Variants in RHOQ observed in about 807,000 individuals in gnomAD.
RHOQ encodes ras homolog family member Q.
In RHOQ, 7 loss-of-function variants were observed where a neutral mutation model predicts 25.8. The ratio of observed to expected loss-of-function variants is 0.27; its 90% CI spans 0.15 to 0.51. The LOEUF is 0.51. Ranked by LOEUF, RHOQ falls within the 20% of genes least tolerant of loss-of-function variation. The probability of loss-of-function intolerance (pLI) is 0.97; values close to 1 mark genes in which losing one functional copy is unlikely to be tolerated. For synonymous variants in RHOQ, 97 were observed against 98.6 expected (o/e 0.98, Z 0.10); for missense variants, 165 against 260.6 (o/e 0.63, Z 2.53).
intron 4 of RHOQ, among the ~76,000 whole-genome samples, chr2:46,579,323 T>C (rs1669257662): frequency 6.6e-6 from 1 of 152,164 alleles, no homozygotes; most frequent in Non-Finnish European, 1.5e-5. Context: ...TCTTCTTCTA[T>C]AGCTACACTC....
At chr2:46,554,055 T>G (rs1157478999) in intron 2 of RHOQ, among the ~76,000 whole-genome samples, 1 of 152,134 alleles carries the variant, frequency 6.6e-6, no homozygotes, top group African/African-American at 2.4e-5. Context: ...TGCTGGCTTA[T>G]TTTACTTAAT....
rs373797949 is a variant in RHOQ, at chr2:46,576,078, G to T, written c.202-9G>T. 1.6e-5 allele frequency: 26 copies of T among 1,582,072 alleles called. No homozygotes were observed. In the African/African-American group the frequency reaches 2.8e-4, roughly 17 times the overall value. ...TAAATACATAATGAGGCTTTTCTTTGTTCCTCAGGAAGACTATGACCGTCT... is the reference window on the plus strand; with the variant it reads ...TAAATACATAATGAGGCTTTTCTTTTTTCCTCAGGAAGACTATGACCGTCT... On this transcript the variant is annotated splice_polypyrimidine_tract_variant and intron_variant, in intron 2 of 4. Coordinates refer to ENST00000238738, the MANE Select transcript of RHOQ (RefSeq NM_012249.4). This position sits in a 1 kb window ranked among gnomAD's most constrained non-coding sequence, Gnocchi z 5.1.
chr2:46,561,001 AACAC>A (rs61040858), intron 2 of RHOQ, among the ~76,000 whole-genome samples: 3,501 of 141,254 alleles, frequency 0.025, 69 homozygotes, highest in African/African-American at 0.042. Flanking sequence ...AGACCCCATA[AACAC>A]ACACACACAC....
chr2:46,543,953 G>C (rs1667949100), intron 2 of RHOQ, 141 bp downstream of exon 2: 1 of 659,542 alleles, frequency 1.5e-6, no homozygotes, highest in Admixed American at 2.8e-5. Context: ...TTTATTTCTT[G>C]TAACAAGTCA....
At chr2:46,577,396 C>CTTTTT (rs745605616) in intron 4 of RHOQ, among the ~76,000 whole-genome samples, 8 of 110,154 alleles carry the variant, frequency 7.3e-5, no homozygotes, top group African/African-American at 1.2e-4. Flanking sequence ...CATATATGGT[C>CTTTTT]TTTTTTTTTT....
intron 2 of RHOQ, among the ~76,000 whole-genome samples, chr2:46,572,526 A>C (rs181798190): frequency 6.6e-6 from 1 of 152,162 alleles, no homozygotes; most frequent in Non-Finnish European, 1.5e-5. Context: ...TACTTAGCCA[A>C]TTGGTAAGAA....
chr2:46,545,924 T>C (rs531226995), intron 2 of RHOQ, among the ~76,000 whole-genome samples: 4 of 152,252 alleles, frequency 2.6e-5, no homozygotes, highest in South Asian at 2.1e-4. Flanking sequence ...TCATAAGATA[T>C]AGACCAAGCA....
intron 2 of RHOQ, among the ~76,000 whole-genome samples, chr2:46,549,882 C>T (rs1668188144): frequency 2.0e-5 from 3 of 152,110 alleles, no homozygotes; most frequent in Admixed American, 6.5e-5. Context: ...TGTTGCAGTG[C>T]TCAGCCCAGT....
chr2:46,579,020 A>T (rs1298762453), intron 4 of RHOQ, among the ~76,000 whole-genome samples: 3 of 152,250 alleles, frequency 2.0e-5, no homozygotes, highest in Non-Finnish European at 2.9e-5. Flanking sequence ...ACTTAGAGCT[A>T]CAAAGATGCT....
intron 2 of RHOQ, among the ~76,000 whole-genome samples, chr2:46,544,683 A>G (rs959044636): frequency 6.6e-6 from 1 of 152,254 alleles, no homozygotes; most frequent in South Asian, 2.1e-4. Flanking sequence ...TGAATTTTGT[A>G]GAATCCAGCA....
At position 46,543,161 on chromosome 2, in the gene RHOQ, G is replaced by T. The variant is rs1667887533; in HGVS notation, c.115G>T (p.Val39Leu). 6.2e-7 allele frequency: 1 copy of T among 1,611,938 alleles called. No homozygotes were observed. The change falls in exon 1 of 5, where the codon GTG becomes TTG. Residue 39 changes from valine to leucine, a missense_variant. Coordinates refer to ENST00000238738, the MANE Select transcript of RHOQ (RefSeq NM_012249.4). Reference protein sequence around the residue: ...YANDAFPEEYVPTVFDHYAVS... With the variant: ...YANDAFPEEYLPTVFDHYAVS... ...CAACGACGCCTTCCCGGAGGAGTAC[G>T]TGCCCACCGTCTTCGACCACTACGC...
At position 46,571,426 on chromosome 2, in the gene RHOQ, T is replaced by G. The variant is rs1249479680; in HGVS notation, c.202-4661T>G. Among the ~76,000 whole-genome samples, 4 of 152,234 alleles carry G rather than the reference T, an allele frequency of 2.6e-5. No individual in the cohort carries two copies. The East Asian group carries it at 7.7e-4, about 29-fold the overall frequency. ...TTGTGGGCACTGCTGCACATTCAAG[T>G]GCATTGCCTTATTTTTAACATATAG... On this transcript the variant is annotated intron_variant, in intron 2 of 4. Transcript: ENST00000238738.
intron 2 of RHOQ, among the ~76,000 whole-genome samples, chr2:46,546,929 A>G (rs1265193754): frequency 1.3e-5 from 2 of 152,160 alleles, no homozygotes; most frequent in African/African-American, 4.8e-5. Flanking sequence ...AGCTTTGCGC[A>G]TTGTAATTCC....
At position 46,544,244 on chromosome 2, in the gene RHOQ, G is replaced by A. The variant is rs115121169; in HGVS notation, c.201+432G>A. ...GGTGGGAAATGGCATCATCTAATAT[G>A]ATGGGAAGGCATTTGGTCCTGGTTA... is the stretch of plus-strand genomic sequence containing the variant. On this transcript the variant is annotated intron_variant, in intron 2 of 4. Coordinates refer to ENST00000238738, the MANE Select transcript of RHOQ (RefSeq NM_012249.4). Among the ~76,000 whole-genome samples the A allele has an allele frequency of 5.2e-3, 798 of 152,330 alleles. 2 individuals are homozygous for A. Among genetic ancestry groups the A allele is most frequent in the Non-Finnish European group, 8.3e-3 (563 of 68,036 alleles).
intron 2 of RHOQ, among the ~76,000 whole-genome samples, chr2:46,544,441 C>T (rs1386917512): frequency 6.6e-6 from 1 of 152,176 alleles, no homozygotes; most frequent in Non-Finnish European, 1.5e-5. Flanking sequence ...AGGAGGGGTT[C>T]CCCCCGGCCC....
rs1400637878 is a variant in RHOQ at position 46,582,877 on chromosome 2, C to G, written c.*1794C>G. 1 of 152,500 alleles carries G rather than the reference C, an allele frequency of 6.6e-6. No individual in the cohort carries two copies. Among genetic ancestry groups the G allele is most frequent in the Non-Finnish European group, 1.5e-5 (1 of 68,014 alleles). The allele number at this position is 152,500 out of a possible 1,614,324, so 9.4% of individuals were successfully genotyped here. A position where few individuals can be genotyped will look rare whatever the true frequency, so the allele number is the denominator to read the frequency against. The stretch of plus-strand genomic sequence containing the variant: ...AGTCTACTGGATGACTGGCCAGGAA[C>G]TTTCTCTCTGAATCGGACATTTGGA... On this transcript the variant is annotated 3_prime_UTR_variant, in exon 5 of 5. Transcript: ENST00000238738.
rs572623310 is a variant in RHOQ, at chr2:46,584,364, T to TA, written c.*3288dup. 1.1e-4 allele frequency among the ~76,000 whole-genome samples: 16 copies of TA among 152,126 alleles called. No individual in the cohort carries two copies. Among genetic ancestry groups the TA allele is most frequent in the African/African-American group, 2.7e-4 (11 of 41,440 alleles). On this transcript the variant is annotated 3_prime_UTR_variant, in exon 5 of 5. Coordinates refer to ENST00000238738, the MANE Select transcript of RHOQ (RefSeq NM_012249.4). ...CAAAGTATGAGTCCCTATACTCTGT[T>TA]AAAAAAAGCTCACTGTTAAAGTATA...
chr2:46,554,789 C>T (rs1243744896), intron 2 of RHOQ, among the ~76,000 whole-genome samples: 4 of 138,742 alleles, frequency 2.9e-5, no homozygotes, highest in African/African-American at 1.1e-4. Context: ...TTCTTTCTTT[C>T]TTTTTTTTTT....
Position 46,576,318 on chromosome 2 carries a change from G to A in RHOQ, c.366+67G>A. ...TGGTCTGTCGTAGAGGCTGCTCTCAGACAAACAGTCCCAAAGCTGAGCAAA... is the reference window on the plus strand; with the variant it reads ...TGGTCTGTCGTAGAGGCTGCTCTCAAACAAACAGTCCCAAAGCTGAGCAAA... On this transcript the variant is annotated intron_variant, in intron 3 of 4. Coordinates refer to ENST00000238738, the MANE Select transcript of RHOQ (RefSeq NM_012249.4). The surrounding 1 kb of genome is among the most constrained non-coding windows in gnomAD (Gnocchi z 5.1). The A allele has an allele frequency of 7.5e-7, 1 of 1,327,506 alleles. No individual in the cohort carries two copies. Among genetic ancestry groups the A allele is most frequent in the African/African-American group, 1.5e-5 (1 of 67,896 alleles). The allele number at this position is 1,327,506 out of a possible 1,614,324, so 82.2% of individuals were successfully genotyped here.
Sources: allele counts gnomAD v4.1 joint callset (sites outside exome capture counted in the v4.1 genomes callset), GRCh38; gene constraint gnomAD v4.1.1; non-coding constraint Gnocchi (gnomAD v3.1); transcripts MANE v1.5; gene names NCBI Gene and HGNC (gene_info 2026-07-23, HGNC 2026-07-21).